Variants in PTPRT observed in about 807,000 individuals in gnomAD.
The protein encoded by PTPRT is protein tyrosine phosphatase receptor type T.
PTPRT carries 56 observed loss-of-function variants against 176.8 expected under a neutral mutation model. The observed-to-expected ratio is 0.32, with a 90% confidence interval of 0.26 to 0.40. The LOEUF is 0.40. Ranked by LOEUF, PTPRT falls within the 10% of genes least tolerant of loss-of-function variation. PTPRT has a pLI of 1.00. For missense variants in PTPRT, 1,540 were observed against 1,908.2 expected (o/e 0.81, Z 3.60); for synonymous variants, 783 against 739.0 (o/e 1.06, Z -0.96).
chr20:42,381,543 G>A (rs1376658792), intron 9 of PTPRT, among the ~76,000 whole-genome samples: 1 of 152,124 alleles, frequency 6.6e-6, no homozygotes, highest in Non-Finnish European at 1.5e-5. Flanking sequence ...AGCTTTTGAT[G>A]TTTGATGTTT....
intron 6 of PTPRT, among the ~76,000 whole-genome samples, chr20:42,693,141 T>G (rs1202455388): frequency 6.6e-6 from 1 of 152,198 alleles, no homozygotes; most frequent in Non-Finnish European, 1.5e-5. Context: ...TATATATACC[T>G]ATATGTGCAT....
At chr20:42,874,819 T>A (rs1487058367) in intron 2 of PTPRT, among the ~76,000 whole-genome samples, 1 of 152,234 alleles carries the variant, frequency 6.6e-6, no homozygotes, top group East Asian at 1.9e-4. Context: ...TATACACATG[T>A]TAGGTTAAAA....
intron 6 of PTPRT, among the ~76,000 whole-genome samples, chr20:42,704,531 G>C (rs1397455064): frequency 4.0e-5 from 6 of 151,444 alleles, no homozygotes; most frequent in Admixed American, 4.0e-4. Context: ...ATGCCATCTT[G>C]TGCCATGGCA....
At chr20:42,199,192 C>G (rs1313846967) in intron 16 of PTPRT, 48 bp downstream of exon 16, 2 of 1,598,922 alleles carry the variant, frequency 1.3e-6, no homozygotes, top group Non-Finnish European at 1.7e-6. Flanking sequence ...AGTACTAGGG[C>G]TGAGCTGGAC....
intron 1 of PTPRT, among the ~76,000 whole-genome samples, chr20:43,092,495 A>C (rs900662555): frequency 2.0e-5 from 3 of 152,228 alleles, no homozygotes; most frequent in African/African-American, 7.2e-5. Flanking sequence ...TTAAGGAGAG[A>C]CACAAATACT....
chr20:43,047,808 A>G (rs947234867), intron 1 of PTPRT, among the ~76,000 whole-genome samples: 2 of 152,174 alleles, frequency 1.3e-5, no homozygotes, highest in East Asian at 1.9e-4. Context: ...TAATCCCCAC[A>G]GAACTCCATA....
At chr20:43,160,182 A>G (rs1568819144) in intron 1 of PTPRT, among the ~76,000 whole-genome samples, 4 of 152,126 alleles carry the variant, frequency 2.6e-5, no homozygotes, top group African/African-American at 7.2e-5. Flanking sequence ...TCTCCATGCC[A>G]GGAAACCCCC....
chr20:42,043,765 ATCTT>A, the PTPRT span, among the ~76,000 whole-genome samples: 5 of 152,232 alleles, frequency 3.3e-5, no homozygotes, highest in African/African-American at 1.2e-4. Flanking sequence ...CACTTTTATC[ATCTT>A]ACAGTGATGT....
At chr20:43,015,548 G>T (rs889083230) in intron 1 of PTPRT, among the ~76,000 whole-genome samples, 2 of 152,232 alleles carry the variant, frequency 1.3e-5, no homozygotes, top group Non-Finnish European at 2.9e-5. Context: ...TGGGAACGGG[G>T]ATGGATATTG....
chr20:42,242,035 C>A (rs992723953), intron 14 of PTPRT, among the ~76,000 whole-genome samples: 6 of 152,174 alleles, frequency 3.9e-5, no homozygotes, highest in Admixed American at 1.3e-4. Flanking sequence ...GTTTTCTGAT[C>A]TGTAGTACCC....
At chr20:42,579,363 A>G (rs2073329447) in intron 7 of PTPRT, among the ~76,000 whole-genome samples, 1 of 152,260 alleles carries the variant, frequency 6.6e-6, no homozygotes. Flanking sequence ...GTGCTGCAAT[A>G]AACATGCGTG....
At chr20:42,185,181 C>G (rs757196829) in intron 16 of PTPRT, among the ~76,000 whole-genome samples, 1 of 152,192 alleles carries the variant, frequency 6.6e-6, no homozygotes, top group South Asian at 2.1e-4. Context: ...AGGTGCCCAT[C>G]ATCTCCCAGA....
intron 2 of PTPRT, among the ~76,000 whole-genome samples, chr20:42,846,310 G>A (rs571826822): frequency 6.6e-6 from 1 of 152,228 alleles, no homozygotes; most frequent in Non-Finnish European, 1.5e-5. Flanking sequence ...GACACCTAAT[G>A]GAACACCTTG....
At chr20:42,703,520 T>A (rs1410820040) in intron 6 of PTPRT, among the ~76,000 whole-genome samples, 2 of 152,188 alleles carry the variant, frequency 1.3e-5, no homozygotes, top group African/African-American at 4.8e-5. Flanking sequence ...CAGAGCTATG[T>A]GCAGTGGGCC....
chr20:42,648,661 T>C (rs2074961110), intron 7 of PTPRT, among the ~76,000 whole-genome samples: 1 of 151,978 alleles, frequency 6.6e-6, no homozygotes, highest in African/African-American at 2.4e-5. Context: ...GTACCATTCA[T>C]GTGGAAGGCT....
intron 1 of PTPRT, among the ~76,000 whole-genome samples, chr20:42,897,937 T>C (rs1020057244): frequency 6.6e-6 from 1 of 152,188 alleles, no homozygotes; most frequent in African/African-American, 2.4e-5. Flanking sequence ...ATCTATAAAT[T>C]AGAAATGGAA....
intron 9 of PTPRT, among the ~76,000 whole-genome samples, chr20:42,399,592 T>C (rs1279889018): frequency 6.6e-6 from 1 of 152,216 alleles, no homozygotes; most frequent in East Asian, 1.9e-4. Flanking sequence ...ACTCTTTTGG[T>C]AAATCCCTCC....
intron 2 of PTPRT, among the ~76,000 whole-genome samples, chr20:42,878,020 T>C (rs1283896603): frequency 6.6e-6 from 1 of 152,232 alleles, no homozygotes; most frequent in African/African-American, 2.4e-5. Context: ...ATGATATTCC[T>C]TCTCCAGATG....
intron 2 of PTPRT, among the ~76,000 whole-genome samples, chr20:42,855,762 T>C (rs1239260430): frequency 6.6e-6 from 1 of 151,270 alleles, no homozygotes; most frequent in Admixed American, 6.6e-5. Context: ...AAAAGTACTG[T>C]TGGCAAGGAA....
Sources: gnomAD v4.1 joint callset for allele counts (sites outside exome capture counted in the v4.1 genomes callset) on GRCh38, gnomAD v4.1.1 for gene constraint, MANE v1.5 for transcripts, NCBI Gene and HGNC (gene_info 2026-07-23, HGNC 2026-07-21) for gene names.